Variants in PDE1C observed in about 807,000 individuals in gnomAD.
PDE1C encodes phosphodiesterase 1C.
Under a neutral mutation model 93.1 loss-of-function variants are expected in PDE1C, and 62 were observed. The observed-to-expected ratio is 0.67, with a 90% CI of 0.54 to 0.82. The LOEUF (loss-of-function observed/expected upper bound fraction) is 0.82. PDE1C is among the 40% of genes least tolerant of loss of function. PDE1C has a pLI of 0.00. For synonymous variants in PDE1C, 325 were observed against 310.1 expected (o/e 1.05, Z -0.50); for missense variants, 742 against 884.6 (o/e 0.84, Z 2.04).
At chr7:32,318,715 A>G (rs899594311) in intron 1 of PDE1C, among the ~76,000 whole-genome samples, 1 of 152,182 alleles carries the variant, frequency 6.6e-6, no homozygotes, top group African/African-American at 2.4e-5. Context: ...AAAGCGAGAA[A>G]TCACGACAGA....
chr7:32,194,869 C>T (rs994050280), intron 2 of PDE1C, among the ~76,000 whole-genome samples: 5 of 152,062 alleles, frequency 3.3e-5, no homozygotes, highest in African/African-American at 9.6e-5. Context: ...TCCTGCCTTC[C>T]TGTGGCTTAC....
At chr7:32,106,830 A>G (rs1232493698) in intron 3 of PDE1C, among the ~76,000 whole-genome samples, 2 of 152,160 alleles carry the variant, frequency 1.3e-5, no homozygotes, top group African/African-American at 4.8e-5. Context: ...GAAGTAATAA[A>G]GTATAAAAAA....
intron 1 of PDE1C, among the ~76,000 whole-genome samples, chr7:32,410,924 T>A (rs1353591733): frequency 1.3e-5 from 2 of 152,212 alleles, no homozygotes; most frequent in Non-Finnish European, 2.9e-5. Flanking sequence ...TGACTACACC[T>A]TCATTAAACT....
chr7:32,245,003 G>A (rs144585499), intron 1 of PDE1C, among the ~76,000 whole-genome samples: 135 of 152,268 alleles, frequency 8.9e-4, no homozygotes, highest in South Asian at 7.9e-3. Context: ...TTTTAGAAAC[G>A]AGGAAGCTGA....
At chr7:31,682,925 A>G in the PDE1C span, among the ~76,000 whole-genome samples, 23 of 152,194 alleles carry the variant, frequency 1.5e-4, no homozygotes, top group African/African-American at 5.3e-4. Context: ...CATTCCCGAA[A>G]TAATAAAATG....
chr7:32,228,840 G>GCT (rs1807481152), intron 1 of PDE1C, among the ~76,000 whole-genome samples: 1 of 152,176 alleles, frequency 6.6e-6, no homozygotes, highest in Non-Finnish European at 1.5e-5. Flanking sequence ...TCTAGCCCCA[G>GCT]CTCTCCTGGG....
At chr7:31,829,571 G>T (rs559359059) in intron 11 of PDE1C, among the ~76,000 whole-genome samples, 2 of 152,246 alleles carry the variant, frequency 1.3e-5, no homozygotes, top group South Asian at 4.1e-4. Context: ...CTCACATGTA[G>T]CATTAACTGA....
At chr7:31,731,062 G>C in the PDE1C span, among the ~76,000 whole-genome samples, 1 of 151,910 alleles carries the variant, frequency 6.6e-6, no homozygotes, top group African/African-American at 2.4e-5. Context: ...TACGTGCAGG[G>C]GGAAGTGACC....
intron 6 of PDE1C, among the ~76,000 whole-genome samples, chr7:31,869,085 T>A (rs1280214480): frequency 6.6e-6 from 1 of 151,822 alleles, no homozygotes; most frequent in Non-Finnish European, 1.5e-5. Context: ...TCTACCATCA[T>A]GAAAATGCAA....
intron 3 of PDE1C, among the ~76,000 whole-genome samples, chr7:32,163,864 G>T (rs1485802663): frequency 6.6e-6 from 1 of 152,128 alleles, no homozygotes; most frequent in Admixed American, 6.5e-5. Flanking sequence ...GGGGTGTAGA[G>T]GATCAGTCTT....
intron 3 of PDE1C, among the ~76,000 whole-genome samples, chr7:32,124,568 T>A (rs1799466917): frequency 6.6e-6 from 1 of 152,214 alleles, no homozygotes; most frequent in Admixed American, 6.5e-5. Context: ...AACCACCTGA[T>A]CTTTGATGAA....
chr7:31,837,308 C>A lies in PDE1C; in HGVS notation c.1083-8G>T, dbSNP rs775891880. The A allele has an allele frequency of 1.2e-6, 2 of 1,600,552 alleles. No individual in the cohort carries two copies. Among genetic ancestry groups the A allele is most frequent in the Non-Finnish European group, 1.7e-6 (2 of 1,172,322 alleles). On this transcript the variant is annotated splice_region_variant and splice_polypyrimidine_tract_variant and intron_variant, in intron 10 of 17. Coordinates refer to ENST00000396191, the MANE Select transcript of PDE1C (RefSeq NM_001191057.4). ...GCTTTTGGCTTTTCAATGCTGTAAA[C>A]CAAAAGCACCCAAACACATGATAAC... is the stretch of plus-strand genomic sequence containing the variant.
intron 1 of PDE1C, among the ~76,000 whole-genome samples, chr7:32,323,854 TC>T (rs1342401732): frequency 6.6e-6 from 1 of 152,130 alleles, no homozygotes; most frequent in East Asian, 1.9e-4. Flanking sequence ...TTGGAGCTCC[TC>T]CTCTGGAAGC....
intron 2 of PDE1C, among the ~76,000 whole-genome samples, chr7:32,184,874 G>A (rs1210445868): frequency 1.3e-5 from 2 of 152,190 alleles, no homozygotes; most frequent in Non-Finnish European, 2.9e-5. Flanking sequence ...CACTTTGGGA[G>A]GCTGAGGTGG....
intron 1 of PDE1C, among the ~76,000 whole-genome samples, chr7:32,329,964 G>A (rs1339851530): frequency 6.6e-6 from 1 of 152,222 alleles, no homozygotes; most frequent in African/African-American, 2.4e-5. Flanking sequence ...TCCCCATCAG[G>A]GATGCCAAGG....
chr7:32,376,789 G>T (rs1175559272), intron 1 of PDE1C, among the ~76,000 whole-genome samples: 4 of 152,182 alleles, frequency 2.6e-5, no homozygotes, highest in African/African-American at 9.6e-5. Context: ...CCAGGTTCAC[G>T]CCATTCTCCC....
At position 32,128,906 on chromosome 7, in the gene PDE1C, A is replaced by AATATATAT. The variant is rs763801947; in HGVS notation, c.308+40871_308+40878dup. Among the ~76,000 whole-genome samples, 322 of 55,816 alleles carry AATATATAT rather than the reference A, an allele frequency of 5.8e-3. 3 individuals carry two copies. Among genetic ancestry groups the AATATATAT allele is most frequent in the Middle Eastern group, 0.017 (1 of 58 alleles). 36.6% of individuals were successfully genotyped at this position (55,816 alleles called of 152,430 possible). On this transcript the variant is annotated intron_variant, in intron 3 of 18. Coordinates refer to the PDE1C transcript ENST00000396193. ...GTACCCTAGAACTTAAAGTATAACA[A>AATATATAT]ATATATATATATATATATATATATA...
At chr7:32,206,650 A>G (rs180756842) in intron 2 of PDE1C, among the ~76,000 whole-genome samples, 12 of 152,288 alleles carry the variant, frequency 7.9e-5, no homozygotes, top group African/African-American at 2.4e-4. Flanking sequence ...CGGTACCCAC[A>G]TGGGGTACTT....
At chr7:31,835,564 G>A (rs1382978386) in intron 11 of PDE1C, among the ~76,000 whole-genome samples, 2 of 151,812 alleles carry the variant, frequency 1.3e-5, no homozygotes, top group Non-Finnish European at 2.9e-5. Flanking sequence ...GTGCGTGCAT[G>A]TGCACCATAG....
Sources: allele counts gnomAD v4.1 joint callset (sites outside exome capture counted in the v4.1 genomes callset), GRCh38; gene constraint gnomAD v4.1.1; transcripts MANE v1.5; gene names NCBI Gene and HGNC (gene_info 2026-07-23, HGNC 2026-07-21).